Variants in SLC46A2 observed in about 807,000 individuals in gnomAD.
SLC46A2 encodes thymic stromal co-transporter.
Under a neutral mutation model 33.1 loss-of-function variants are expected in SLC46A2, and 25 were observed. That is an observed-to-expected ratio of 0.76 (90% CI 0.55 to 1.06). The LOEUF is 1.06. Ranked by LOEUF, SLC46A2 falls within the 50% of genes least tolerant of loss-of-function variation. SLC46A2 has a pLI of 0.00. For missense variants in SLC46A2, 622 were observed against 621.7 expected, an observed-to-expected ratio of 1.00 and a Z score of 0.00; for synonymous variants, 254 against 275.9, an observed-to-expected ratio of 0.92 and a Z score of 0.79.
intron 2 of SLC46A2, among the ~76,000 whole-genome samples, chr9:112,887,023 C>G (rs538489520): frequency 7.9e-5 from 12 of 152,168 alleles, no homozygotes; most frequent in Non-Finnish European, 1.6e-4. Flanking sequence ...AGCCACTGCA[C>G]CTGGTGCCTT....
At position 112,879,624 on chromosome 9, in the gene SLC46A2, CATTCTG is replaced by C. The variant is rs1841553156; in HGVS notation, c.*132_*137del. On this transcript the variant is annotated 3_prime_UTR_variant, in exon 4 of 4. Transcript: ENST00000374228. ...CAGGGATCCCTGAGCCAGAGCAGGT[CATTCTG>C]AGGCCAACTCTGGCTGGAACGCAGG... is the stretch of plus-strand genomic sequence containing the variant. 1.4e-6 allele frequency: 1 copy of C among 725,192 alleles called. No individual in the cohort carries two copies. Among genetic ancestry groups the C allele is most frequent in the African/African-American group, 1.8e-5 (1 of 57,096 alleles). The allele number at this position is 725,192 out of a possible 1,614,324, so 44.9% of individuals were successfully genotyped here.
Position 112,880,644 on chromosome 9 carries a change from T to C in SLC46A2, c.1371-825A>G, listed in dbSNP as rs371646661. 1.2e-4 allele frequency among the ~76,000 whole-genome samples: 19 copies of C among 152,328 alleles called. No individual in the cohort carries two copies. The South Asian group carries it at 3.3e-3, about 27-fold the overall frequency. On this transcript the variant is annotated intron_variant, in intron 3 of 3. Transcript: ENST00000374228. ...CATCTCCTTGTTCAGGTGCTGTATA[T>C]CGTTAAACACTTTTTTCTGCTGCAA...
rs1398817063 is a variant in SLC46A2, at chr9:112,883,820, C to T, written c.1370+2640G>A. On this transcript the variant is annotated intron_variant, in intron 3 of 3. Coordinates refer to ENST00000374228, the MANE Select transcript of SLC46A2 (RefSeq NM_033051.4). ...TCAAGCGATTCTCCTGCCTCAGCCT[C>T]CCGAATAACTGGGACTGCAGGCGCA... Among the ~76,000 whole-genome samples, 9 of 151,922 alleles carry T rather than the reference C, an allele frequency of 5.9e-5. No homozygotes were observed. In the East Asian group the frequency reaches 1.7e-3, roughly 29 times the overall value.
At position 112,890,208 on chromosome 9, in the gene SLC46A2, C is replaced by T. The variant is rs960011994; in HGVS notation, c.474G>A (p.Ala158=). Reference sequence around the variant, plus strand: ...CCTCGGAGGAGCCCAGCGATCCCAGCGCCATGACCCCGGACCAGAAGGCGG... The same window carrying T: ...CCTCGGAGGAGCCCAGCGATCCCAGTGCCATGACCCCGGACCAGAAGGCGG... ...GFSAFWSGVM[A]LGSLGSSEGR... The change falls in exon 1 of 4, where the codon GCG becomes GCA. Residue 158 remains alanine, a synonymous_variant. Coordinates refer to ENST00000374228, the MANE Select transcript of SLC46A2 (RefSeq NM_033051.4). The surrounding 1 kb of genome is among the most constrained non-coding windows in gnomAD (Gnocchi z 6.0). 8.7e-6 allele frequency: 14 copies of T among 1,613,032 alleles called. No individual in the cohort carries two copies. Among genetic ancestry groups the T allele is most frequent in the Non-Finnish European group, 1.2e-5 (14 of 1,179,892 alleles).
chr9:112,880,578 C>T (rs1304603301), intron 3 of SLC46A2: 3 of 153,408 alleles, frequency 2.0e-5, no homozygotes, highest in Non-Finnish European at 4.4e-5. Flanking sequence ...CTTGGAAGCC[C>T]ATCCCCAACC....
Position 112,890,444 on chromosome 9 carries a change from T to C in SLC46A2, c.238A>G (p.Ile80Val), listed in dbSNP as rs1841716194. Reference protein sequence around the residue: ...QQRAISNFYIIYNLVVGLSPL... With the variant: ...QQRAISNFYIVYNLVVGLSPL... ...GACAGGCCCACCACAAGGTTGTAGA[T>C]AATGTAGAAATTGGAGATGGCTCTC... Residue 80 changes from isoleucine (I) to valine (V), a missense_variant, in exon 1 of 4, where the codon ATC becomes GTC. Transcript: ENST00000374228. This position sits in a 1 kb window ranked among gnomAD's most constrained non-coding sequence, Gnocchi z 6.0. 6 of 1,614,172 alleles carry C rather than the reference T, an allele frequency of 3.7e-6. No individual in the cohort carries two copies. Among genetic ancestry groups the C allele is most frequent in the Non-Finnish European group, 5.1e-6 (6 of 1,180,028 alleles).
At position 112,886,458 on chromosome 9, in the gene SLC46A2, A is replaced by C; in HGVS notation, c.1370+2T>G. 3.1e-6 allele frequency: 5 copies of C among 1,613,896 alleles called. No homozygotes were observed. The highest frequency in any genetic ancestry group is 4.2e-6 in the Non-Finnish European group (5 of 1,179,784). ...AAGCAGCAGATGCTGCTCCCATCCT[A>C]CCTAATTGGAATGATGGCCAGGAAG... On this transcript the variant is annotated splice_donor_variant, in intron 3 of 3. Coordinates refer to ENST00000374228, the MANE Select transcript of SLC46A2 (RefSeq NM_033051.4). LOFTEE classifies it high-confidence loss of function.
chr9:112,879,554 TGAGAACGTTTTTCCATC>T lies in SLC46A2; in HGVS notation c.*191_*207del. ...CTGCCTAATGGGGGTGTCTTAAAGC[TGAGAACGTTTTTCCATC>T]ACCAGGAAAGTGCTTTTCCCCATCC... On this transcript the variant is annotated 3_prime_UTR_variant, in exon 4 of 4. Coordinates refer to ENST00000374228, the MANE Select transcript of SLC46A2 (RefSeq NM_033051.4). 1 of 538,084 alleles carries T rather than the reference TGAGAACGTTTTTCCATC, an allele frequency of 1.9e-6. No homozygotes were observed. The highest frequency in any genetic ancestry group is 3.4e-6 in the Non-Finnish European group (1 of 297,228). The allele number at this position is 538,084 out of a possible 1,614,324, so 33.3% of individuals were successfully genotyped here. A position where few individuals can be genotyped will look rare whatever the true frequency, so the allele number is the denominator to read the frequency against.
intron 1 of SLC46A2, among the ~76,000 whole-genome samples, chr9:112,888,973 C>T (rs1012970638): frequency 9.9e-5 from 15 of 151,774 alleles, no homozygotes; most frequent in Admixed American, 2.6e-4. Context: ...TCACTACAAC[C>T]GCTGCCTCTT....
Position 112,880,008 on chromosome 9 carries a change from C to A in SLC46A2, c.1371-189G>T, listed in dbSNP as rs116329979. 2,279 of 501,362 alleles carry A rather than the reference C, an allele frequency of 4.5e-3. 40 individuals carry two copies. The highest frequency in any genetic ancestry group is 0.038 in the African/African-American group (1,985 of 52,446). 31.1% of individuals were successfully genotyped at this position (501,362 alleles called of 1,614,324 possible). On this transcript the variant is annotated intron_variant, in intron 3 of 3. Transcript: ENST00000374228. The stretch of plus-strand genomic sequence containing the variant: ...CTGCTAGCTAAAAGGAGCATGTTGA[C>A]CATTTGCTTCCCCATTGTTCCTTTA...
intron 3 of SLC46A2, among the ~76,000 whole-genome samples, chr9:112,886,132 T>G (rs1294107628): frequency 6.6e-6 from 1 of 152,222 alleles, no homozygotes; most frequent in African/African-American, 2.4e-5. Context: ...AAAAGAGGTC[T>G]GATGGTTCAT....
At chr9:112,888,969 C>T (rs893190120) in intron 1 of SLC46A2, among the ~76,000 whole-genome samples, 14 of 151,632 alleles carry the variant, frequency 9.2e-5, no homozygotes, top group South Asian at 2.1e-4. Flanking sequence ...CGGCTCACTA[C>T]AACCGCTGCC....
intron 3 of SLC46A2, among the ~76,000 whole-genome samples, chr9:112,882,902 A>G (rs1057482088): frequency 1.3e-5 from 2 of 152,308 alleles, no homozygotes; most frequent in East Asian, 1.9e-4. Context: ...ACCCCAAACA[A>G]TTCCTACATG....
Position 112,879,382 on chromosome 9 carries a change from A to G in SLC46A2, c.*380T>C, listed in dbSNP as rs1588148087. On this transcript the variant is annotated 3_prime_UTR_variant, in exon 4 of 4. Coordinates refer to ENST00000374228, the MANE Select transcript of SLC46A2 (RefSeq NM_033051.4). ...AGCACCCAGGTGACTAGTTAGCTAT[A>G]CTTTGGAGCCCTCAAGACAGTCCCT... 2.2e-5 allele frequency: 4 copies of G among 184,486 alleles called. No individual in the cohort carries two copies. Among genetic ancestry groups the G allele is most frequent in the Non-Finnish European group, 3.4e-5 (3 of 89,008 alleles). 11.4% of individuals were successfully genotyped at this position (184,486 alleles called of 1,614,324 possible). A position where few individuals can be genotyped will look rare whatever the true frequency, so the allele number is the denominator to read the frequency against.
Position 112,887,385 on chromosome 9 carries a change from G to T in SLC46A2, c.1158C>A (p.Ile386=). 1 of 1,611,830 alleles carries T rather than the reference G, an allele frequency of 6.2e-7. No individual in the cohort carries two copies. Among genetic ancestry groups the T allele is most frequent in the Non-Finnish European group, 8.5e-7 (1 of 1,179,072 alleles). ...IARAVMLFAL[I]PVTTIRSAMS... ...TAGCTGATCGGATGGTTGTGACGGGGATGAGAGCAAACAGCATGACGGCTC... is the reference window on the plus strand; with the variant it reads ...TAGCTGATCGGATGGTTGTGACGGGTATGAGAGCAAACAGCATGACGGCTC... Residue 386 remains isoleucine, a synonymous_variant, in exon 2 of 4, where the codon ATC becomes ATA. Transcript: ENST00000374228.
At position 112,889,947 on chromosome 9, in the gene SLC46A2, G is replaced by A. The variant is rs771899590; in HGVS notation, c.735C>T (p.Thr245=). The change falls in exon 1 of 4, where the codon ACC becomes ACT. Residue 245 remains threonine, a synonymous_variant. Coordinates refer to ENST00000374228, the MANE Select transcript of SLC46A2 (RefSeq NM_033051.4). ...KPSQELPAVD[T]VSGTVGTYRT... Reference sequence around the variant, plus strand: ...GGTATGTGCCAACCGTGCCAGACACGGTATCCACGGCGGGGAGCTCCTGGC... The same window carrying A: ...GGTATGTGCCAACCGTGCCAGACACAGTATCCACGGCGGGGAGCTCCTGGC... 3 of 1,614,204 alleles carry A rather than the reference G, an allele frequency of 1.9e-6. No individual in the cohort carries two copies. Among genetic ancestry groups the A allele is most frequent in the South Asian group, 1.1e-5 (1 of 91,088 alleles).
chr9:112,883,695 CTTTTCTTTTTTTT>C (rs1841610851), intron 3 of SLC46A2, among the ~76,000 whole-genome samples: 1 of 111,232 alleles, frequency 9.0e-6, no homozygotes, highest in African/African-American at 3.5e-5. Flanking sequence ...TTTCTTTTTT[CTTTTCTTTTTTTT>C]TTTTTTTGAG....
Position 112,879,543 on chromosome 9 carries a change from T to C in SLC46A2, c.*219A>G, listed in dbSNP as rs751714011. The C allele has an allele frequency of 3.7e-5, 19 of 507,710 alleles. No homozygotes were observed. The highest frequency in any genetic ancestry group is 6.4e-5 in the Non-Finnish European group (18 of 279,390). 31.5% of individuals were successfully genotyped at this position (507,710 alleles called of 1,614,324 possible). A position where few individuals can be genotyped will look rare whatever the true frequency, so the allele number is the denominator to read the frequency against. On this transcript the variant is annotated 3_prime_UTR_variant, in exon 4 of 4. Transcript: ENST00000374228. ...GAACCCAGTGTCTGCCTAATGGGGGTGTCTTAAAGCTGAGAACGTTTTTCC... is the reference window on the plus strand; with the variant it reads ...GAACCCAGTGTCTGCCTAATGGGGGCGTCTTAAAGCTGAGAACGTTTTTCC...
At chr9:112,889,298 A>G (rs924903148) in intron 1 of SLC46A2, among the ~76,000 whole-genome samples, 4 of 152,092 alleles carry the variant, frequency 2.6e-5, no homozygotes, top group African/African-American at 9.7e-5. Context: ...TCCAGGTACC[A>G]CTGACCACAC....
Sources: gnomAD v4.1 joint callset for allele counts (sites outside exome capture counted in the v4.1 genomes callset) on GRCh38, gnomAD v4.1.1 for gene constraint, Gnocchi (gnomAD v3.1) non-coding constraint, MANE v1.5 for transcripts, NCBI Gene and HGNC (gene_info 2026-07-23, HGNC 2026-07-21) for gene names.